Variants in TMEM167A observed in about 807,000 individuals in gnomAD.
TMEM167A encodes the protein protein kish-A.
TMEM167A carries 8 observed loss-of-function variants against 11.6 expected under a neutral mutation model. That is an observed-to-expected ratio of 0.69 (90% CI 0.40 to 1.24). The LOEUF is 1.24. Among genes scored for constraint, TMEM167A ranks in the 50% most tolerant of loss-of-function variants. The pLI is 0.01. For synonymous variants in TMEM167A, 22 were observed against 28.0 expected (o/e 0.79, Z 0.67); for missense variants, 62 against 87.0 (o/e 0.71, Z 1.14).
In TMEM167A at chr5:83,054,220, G is replaced by C. The variant is rs1326287436; in HGVS notation, c.*2864C>G. 1 of 151,962 alleles carries C rather than the reference G, an allele frequency of 6.6e-6. No individual in the cohort carries two copies. Among genetic ancestry groups the C allele is most frequent in the Non-Finnish European group, 1.5e-5 (1 of 67,932 alleles). The allele number at this position is 151,962 out of a possible 1,614,324, so 9.4% of individuals were successfully genotyped here. ...TGAACATATAAAAGCATTCAAGATAGTGTCTGGCACAGTAGAACAGGGATT... is the reference window on the plus strand; with the variant it reads ...TGAACATATAAAAGCATTCAAGATACTGTCTGGCACAGTAGAACAGGGATT... On this transcript the variant is annotated 3_prime_UTR_variant, in exon 4 of 4. Coordinates refer to ENST00000502346, the MANE Select transcript of TMEM167A (RefSeq NM_174909.5).
At chr5:83,070,047 C>T (rs1744538562) in intron 1 of TMEM167A, among the ~76,000 whole-genome samples, 2 of 152,074 alleles carry the variant, frequency 1.3e-5, no homozygotes, top group Non-Finnish European at 2.9e-5. Context: ...ATGTTAAGGA[C>T]CTAGGCTGTA....
intron 3 of TMEM167A, among the ~76,000 whole-genome samples, chr5:83,059,690 C>T (rs1164374436): frequency 6.6e-6 from 1 of 152,094 alleles, no homozygotes; most frequent in East Asian, 1.9e-4. Flanking sequence ...TTGTTCATAA[C>T]TGAGTGCCAG....
At chr5:83,065,707 T>G (rs773720291) in intron 1 of TMEM167A, among the ~76,000 whole-genome samples, 9 of 152,080 alleles carry the variant, frequency 5.9e-5, no homozygotes, top group South Asian at 4.1e-4. Flanking sequence ...CCACCAAAAA[T>G]TTGAAATCCA....
chr5:83,056,735 C>A lies in TMEM167A; in HGVS notation c.*349G>T. 1 of 257,582 alleles carries A rather than the reference C, an allele frequency of 3.9e-6. No homozygotes were observed. The allele number at this position is 257,582 out of a possible 1,614,324, so 16.0% of individuals were successfully genotyped here. On this transcript the variant is annotated 3_prime_UTR_variant, in exon 4 of 4. Transcript: ENST00000502346. The stretch of plus-strand genomic sequence containing the variant: ...CATTCTATAAAGATTAAATCATTTC[C>A]AAATCACAGTGAAAGGAACTTGAGT...
chr5:83,061,900 A>G lies in TMEM167A; in HGVS notation c.125T>C (p.Ile42Thr), dbSNP rs780321163. Residue 42 changes from isoleucine to threonine, a missense_variant, in exon 3 of 4, where the codon ATA (isoleucine) becomes ACA (threonine). Coordinates refer to ENST00000502346, the MANE Select transcript of TMEM167A (RefSeq NM_174909.5). ...ACCAATTCTGGCACACTTCCAAAAT[A>G]TACCCAACAATCTGCATAGAATAAA... is the stretch of plus-strand genomic sequence containing the variant. ...LDRNKTGLLG[I>T]FWKCARIGER... 2.9e-5 allele frequency: 47 copies of G among 1,612,992 alleles called. No individual in the cohort carries two copies. The highest frequency in any genetic ancestry group is 3.7e-5 in the Non-Finnish European group (44 of 1,179,114).
chr5:83,064,046 A>C (rs1289357452), intron 2 of TMEM167A, among the ~76,000 whole-genome samples: 1 of 152,094 alleles, frequency 6.6e-6, no homozygotes, highest in African/African-American at 2.4e-5. Flanking sequence ...AGGCCTATAA[A>C]ATTTTCTATA....
chr5:83,063,555 A>T, intron 2 of TMEM167A, among the ~76,000 whole-genome samples: 1 of 152,088 alleles, frequency 6.6e-6, no homozygotes, highest in East Asian at 1.9e-4. Flanking sequence ...AGAAACTGGT[A>T]CAACAGGATT....
chr5:83,054,137 A>G lies in TMEM167A; in HGVS notation c.*2947T>C, dbSNP rs370195770. On this transcript the variant is annotated 3_prime_UTR_variant, in exon 4 of 4. Coordinates refer to ENST00000502346, the MANE Select transcript of TMEM167A (RefSeq NM_174909.5). ...ATCATCTTATTACTAAGATGAAGGA[A>G]TCTATTGCAAGTTACACGTTACTAT... 11 of 152,146 alleles carry G rather than the reference A, an allele frequency of 7.2e-5. No homozygotes were observed. In the East Asian group the frequency reaches 1.2e-3, roughly 16 times the overall value. The allele number at this position is 152,146 out of a possible 1,614,324, so 9.4% of individuals were successfully genotyped here. A position where few individuals can be genotyped will look rare whatever the true frequency, so the allele number is the denominator to read the frequency against.
Position 83,061,923 on chromosome 5 carries a change from A to T in TMEM167A, c.114-12T>A. 1 of 1,604,274 alleles carries T rather than the reference A, an allele frequency of 6.2e-7. No homozygotes were observed. Among genetic ancestry groups the T allele is most frequent in the Non-Finnish European group, 8.5e-7 (1 of 1,171,912 alleles). Reference sequence around the variant, plus strand: ...ATATACCCAACAATCTGCATAGAATAAAAAAAGAAAAAAAGTAGCTATTGA... The same window carrying T: ...ATATACCCAACAATCTGCATAGAATTAAAAAAGAAAAAAAGTAGCTATTGA... On this transcript the variant is annotated splice_polypyrimidine_tract_variant and intron_variant, in intron 2 of 3. Coordinates refer to ENST00000502346, the MANE Select transcript of TMEM167A (RefSeq NM_174909.5).
In TMEM167A at chr5:83,053,645, G is replaced by C. The variant is rs1489065343; in HGVS notation, c.*3439C>G. On this transcript the variant is annotated 3_prime_UTR_variant, in exon 4 of 4. Coordinates refer to ENST00000502346, the MANE Select transcript of TMEM167A (RefSeq NM_174909.5). ...ATGAGAAAAATACAAGACAGTCTAA[G>C]ATCTAACCTTTGCCTACCTTTCTAG... 6.6e-6 allele frequency: 1 copy of C among 151,998 alleles called. No homozygotes were observed. The highest frequency in any genetic ancestry group is 2.4e-5 in the African/African-American group (1 of 41,412). The allele number at this position is 151,998 out of a possible 1,614,324, so 9.4% of individuals were successfully genotyped here.
At chr5:83,074,297 C>T (rs553330867) in intron 1 of TMEM167A, among the ~76,000 whole-genome samples, 2 of 152,338 alleles carry the variant, frequency 1.3e-5, no homozygotes, top group South Asian at 4.1e-4. Flanking sequence ...TGTCCCACCT[C>T]TAGCTAATGA....
chr5:83,069,339 G>GA (rs1744529368), intron 1 of TMEM167A, among the ~76,000 whole-genome samples: 1 of 152,086 alleles, frequency 6.6e-6, no homozygotes, highest in African/African-American at 2.4e-5. Context: ...CCTCTTCAGT[G>GA]AAAAAATAAT....
intron 1 of TMEM167A, among the ~76,000 whole-genome samples, chr5:83,076,958 C>G (rs779532283): frequency 1.2e-4 from 19 of 152,176 alleles, no homozygotes; most frequent in Non-Finnish European, 2.6e-4. Context: ...CAGAGTAAAG[C>G]CCCTAGGGCG....
chr5:83,077,302 T>G lies in TMEM167A; in HGVS notation c.3+19A>C, dbSNP rs1561307729. ...CCCTTCTCGAAGATCAACCGCGACCTGGGAGCCCCACTTCTTACCATAGCG... is the reference window on the plus strand; with the variant it reads ...CCCTTCTCGAAGATCAACCGCGACCGGGGAGCCCCACTTCTTACCATAGCG... On this transcript the variant is annotated intron_variant, in intron 1 of 3. Coordinates refer to ENST00000502346, the MANE Select transcript of TMEM167A (RefSeq NM_174909.5). The G allele has an allele frequency of 6.2e-7, 1 of 1,614,186 alleles. No individual in the cohort carries two copies. Among genetic ancestry groups the G allele is most frequent in the South Asian group, 1.1e-5 (1 of 91,082 alleles).
In TMEM167A at chr5:83,072,979, A is replaced by G. The variant is rs376128301; in HGVS notation, c.3+4342T>C. Among the ~76,000 whole-genome samples the G allele has an allele frequency of 1.3e-3, 204 of 152,338 alleles. 4 individuals are homozygous for G. In the South Asian group the frequency reaches 0.04, roughly 30 times the overall value. ...CATTTTCATGGATGATGCAAAAGCA[A>G]TATTAGCAACAGAATTATCTGAACT... On this transcript the variant is annotated intron_variant, in intron 1 of 3. Transcript: ENST00000502346.
At chr5:83,075,066 GTAAT>G (rs1258065411) in intron 1 of TMEM167A, among the ~76,000 whole-genome samples, 1 of 152,100 alleles carries the variant, frequency 6.6e-6, no homozygotes, top group Non-Finnish European at 1.5e-5. Flanking sequence ...TCTTAATGGA[GTAAT>G]AACTCCAGCT....
chr5:83,056,964 A>T lies in TMEM167A; in HGVS notation c.*120T>A, dbSNP rs1744340958. The T allele has an allele frequency of 4.5e-6, 4 of 884,748 alleles. No homozygotes were observed. The highest frequency in any genetic ancestry group is 5.5e-6 in the Non-Finnish European group (3 of 545,882). The allele number at this position is 884,748 out of a possible 1,614,324, so 54.8% of individuals were successfully genotyped here. A position where few individuals can be genotyped will look rare whatever the true frequency, so the allele number is the denominator to read the frequency against. ...CATTAAAATAGAGAACAGCATCTGGAAATTTATCTCATTCAATGTTCGGAG... is the reference window on the plus strand; with the variant it reads ...CATTAAAATAGAGAACAGCATCTGGTAATTTATCTCATTCAATGTTCGGAG... On this transcript the variant is annotated 3_prime_UTR_variant, in exon 4 of 4. Transcript: ENST00000502346.
intron 1 of TMEM167A, among the ~76,000 whole-genome samples, chr5:83,067,222 C>T (rs188207349): frequency 1.8e-4 from 26 of 148,148 alleles, no homozygotes. Context: ...AAAAATAAGG[C>T]AAGAATAGCC....
rs1230843205 is a variant in TMEM167A, at chr5:83,053,684, T to A, written c.*3400A>T. The A allele has an allele frequency of 6.6e-6, 1 of 152,040 alleles. No homozygotes were observed. The highest frequency in any genetic ancestry group is 2.4e-5 in the African/African-American group (1 of 41,436). The allele number at this position is 152,040 out of a possible 1,614,324, so 9.4% of individuals were successfully genotyped here. A position where few individuals can be genotyped will look rare whatever the true frequency, so the allele number is the denominator to read the frequency against. ...CTACCTTTCTAGGCTTATGTCTTAA[T>A]ACTCCCGAAGTGGCACAAGCTAGGT... On this transcript the variant is annotated 3_prime_UTR_variant, in exon 4 of 4. Transcript: ENST00000502346.
Sources: allele counts gnomAD v4.1 joint callset (sites outside exome capture counted in the v4.1 genomes callset), GRCh38; gene constraint gnomAD v4.1.1; transcripts MANE v1.5; gene names NCBI Gene and HGNC (gene_info 2026-07-23, HGNC 2026-07-21).